Variants in MOCS1 observed in about 807,000 individuals in gnomAD.
MOCS1 encodes the protein molybdenum cofactor synthesis 1, also known as molybdenum cofactor biosynthesis protein 1.
Under a neutral mutation model 57.6 loss-of-function variants are expected in MOCS1, and 39 were observed. The ratio of observed to expected loss-of-function variants is 0.68; its 90% CI spans 0.52 to 0.88. The LOEUF (loss-of-function observed/expected upper bound fraction) is 0.88. Among genes scored for constraint, MOCS1 ranks in the 40% least tolerant of loss-of-function variants. MOCS1 has a pLI of 0.00. For synonymous variants in MOCS1, 334 were observed against 335.7 expected (o/e 1.00, Z 0.05); for missense variants, 795 against 831.1 (o/e 0.96, Z 0.53).
chr6:39,931,314 G>A (rs1168890772), intron 1 of MOCS1, among the ~76,000 whole-genome samples: 1 of 152,168 alleles, frequency 6.6e-6, no homozygotes, highest in Non-Finnish European at 1.5e-5. Flanking sequence ...ACTGCTAAAG[G>A]CTAGCCCTCA....
In MOCS1 at chr6:39,905,418, C is replaced by CTGTG. The variant is rs1273055909; in HGVS notation, c.*935_*938dup. On this transcript the variant is annotated 3_prime_UTR_variant, in exon 11 of 11. Transcript: ENST00000340692. ...TCCCTCCTCTTCTTCCCTCAGGGAA[C>CTGTG]TGTGTCTTGGGATAGGATTGATTGA... The CTGTG allele has an allele frequency of 2.1e-6, 1 of 469,824 alleles. No homozygotes were observed. The highest frequency in any genetic ancestry group is 4.4e-6 in the Non-Finnish European group (1 of 227,064). The allele number at this position is 469,824 out of a possible 1,614,324, so 29.1% of individuals were successfully genotyped here.
At chr6:39,929,734 A>G (rs189349419) in intron 1 of MOCS1, among the ~76,000 whole-genome samples, 128 of 152,064 alleles carry the variant, frequency 8.4e-4, no homozygotes, top group Middle Eastern at 3.4e-3. Flanking sequence ...TGAGGCCAGG[A>G]GTGTGAGACT....
At chr6:39,934,070 G>T (rs943429829) in intron 1 of MOCS1, among the ~76,000 whole-genome samples, 3 of 152,042 alleles carry the variant, frequency 2.0e-5, no homozygotes, top group African/African-American at 7.2e-5. Context: ...TGGCGTGGCT[G>T]GGGGGCAGGG....
chr6:39,934,204 C>A, intron 1 of MOCS1, 91 bp downstream of exon 1: 1 of 1,431,916 alleles, frequency 7.0e-7, no homozygotes, highest in Non-Finnish European at 9.2e-7. Context: ...AGCGGTCAAG[C>A]AGATAGGCCG....
rs1237383558 is a variant in MOCS1 at position 39,906,258 on chromosome 6, A to C, written c.*99T>G. 2 of 1,479,766 alleles carry C rather than the reference A, an allele frequency of 1.4e-6. No individual in the cohort carries two copies. The highest frequency in any genetic ancestry group is 1.4e-5 in the African/African-American group (1 of 72,298). 91.7% of individuals were successfully genotyped at this position (1,479,766 alleles called of 1,614,324 possible). On this transcript the variant is annotated 3_prime_UTR_variant, in exon 11 of 11. Coordinates refer to ENST00000340692, the MANE Select transcript of MOCS1 (RefSeq NM_001358530.2). The stretch of plus-strand genomic sequence containing the variant: ...TTCGGGTTTACTGCTCAAGGTAAAC[A>C]AACAGTGACTGTGATTAAAGGAACC...
Position 39,905,449 on chromosome 6 carries a change from T to TGATA in MOCS1, c.*904_*907dup, listed in dbSNP as rs374243973. 1.7e-5 allele frequency: 8 copies of TGATA among 470,302 alleles called. No individual in the cohort carries two copies. Among genetic ancestry groups the TGATA allele is most frequent in the Non-Finnish European group, 3.5e-5 (8 of 226,984 alleles). The allele number at this position is 470,302 out of a possible 1,614,324, so 29.1% of individuals were successfully genotyped here. The stretch of plus-strand genomic sequence containing the variant: ...CTTGGGATAGGATTGATTGATTGAT[T>TGATA]GATAGGTGCAGCCTTCCCTGTGAAA... On this transcript the variant is annotated 3_prime_UTR_variant, in exon 11 of 11. Coordinates refer to ENST00000340692, the MANE Select transcript of MOCS1 (RefSeq NM_001358530.2).
intron 1 of MOCS1, chr6:39,927,842 G>T: frequency 9.5e-7 from 1 of 1,055,620 alleles, no homozygotes; most frequent in Non-Finnish European, 1.3e-6. Context: ...ACTGCTGAAG[G>T]CCACAAGCAA....
At chr6:39,921,467 A>G (rs540465667) in intron 3 of MOCS1, among the ~76,000 whole-genome samples, 2 of 152,318 alleles carry the variant, frequency 1.3e-5, no homozygotes, top group South Asian at 2.1e-4. Context: ...CACTAACATT[A>G]TTAACATGAA....
chr6:39,921,195 C>T (rs1414735908), intron 3 of MOCS1, among the ~76,000 whole-genome samples: 1 of 151,762 alleles, frequency 6.6e-6, no homozygotes, highest in Non-Finnish European at 1.5e-5. Context: ...GTCAGGAGAT[C>T]GAGATCATCC....
At chr6:39,909,285 AGGGGAG>A (rs1157358537) in intron 9 of MOCS1, among the ~76,000 whole-genome samples, 183 bp from the exon 10 acceptor site, 1 of 8,238 alleles carries the variant, frequency 1.2e-4, no homozygotes, top group African/African-American at 6.0e-4. Context: ...AGAGGAAAGC[AGGGGAG>A]GGGGAGGGGG....
intron 3 of MOCS1, among the ~76,000 whole-genome samples, chr6:39,919,797 G>A (rs1177089314): frequency 6.6e-6 from 1 of 152,084 alleles, no homozygotes; most frequent in African/African-American, 2.4e-5. Flanking sequence ...TATCCATATG[G>A]AAAAAAATTA....
At chr6:39,915,918 A>G in intron 4 of MOCS1, 150 bp downstream of exon 4, 1 of 972,714 alleles carries the variant, frequency 1.0e-6, no homozygotes, top group East Asian at 2.6e-5. Context: ...ACATTTGGCA[A>G]AGATGAGGGG....
Position 39,905,669 on chromosome 6 carries a change from C to A in MOCS1, c.*688G>T, listed in dbSNP as rs1374683143. ...GCCAGGTGTGGGCTGTGTGGTCTGG[C>A]AGGAGTCCTTAGGGCTATGGCCCAT... is the stretch of plus-strand genomic sequence containing the variant. On this transcript the variant is annotated 3_prime_UTR_variant, in exon 11 of 11. Coordinates refer to ENST00000340692, the MANE Select transcript of MOCS1 (RefSeq NM_001358530.2). 4.2e-6 allele frequency: 2 copies of A among 471,064 alleles called. No individual in the cohort carries two copies. The highest frequency in any genetic ancestry group is 8.8e-6 in the Non-Finnish European group (2 of 227,076). The allele number at this position is 471,064 out of a possible 1,614,324, so 29.2% of individuals were successfully genotyped here.
chr6:39,915,064 T>G (rs910433910), intron 4 of MOCS1, among the ~76,000 whole-genome samples: 1 of 152,202 alleles, frequency 6.6e-6, no homozygotes, highest in Admixed American at 6.5e-5. Flanking sequence ...TCTCTCCTGC[T>G]AAGAGTTCTT....
Position 39,913,838 on chromosome 6 carries a change from G to A in MOCS1, c.584-3C>T. The A allele has an allele frequency of 6.2e-7, 1 of 1,614,120 alleles. No homozygotes were observed. Among genetic ancestry groups the A allele is most frequent in the South Asian group, 1.1e-5 (1 of 91,070 alleles). On this transcript the variant is annotated splice_polypyrimidine_tract_variant and splice_region_variant and intron_variant, in intron 4 of 10. Transcript: ENST00000340692. ...GCCCTCCATGACCTTGTGGAAGCCT[G>A]GGAGGGAGAAACAAGGATCCAGGAA...
intron 1 of MOCS1, among the ~76,000 whole-genome samples, chr6:39,930,063 C>T (rs1210568287): frequency 6.6e-6 from 1 of 152,084 alleles, no homozygotes; most frequent in Non-Finnish European, 1.5e-5. Flanking sequence ...CTGCACCACC[C>T]GTTCTGAACC....
intron 3 of MOCS1, among the ~76,000 whole-genome samples, chr6:39,925,278 G>A (rs775935616): frequency 3.3e-5 from 5 of 152,122 alleles, no homozygotes; most frequent in Non-Finnish European, 7.3e-5. Flanking sequence ...GAATGAGGTC[G>A]AGGAGAGTGC....
intron 10 of MOCS1, among the ~76,000 whole-genome samples, chr6:39,907,548 C>T (rs1176190498): frequency 1.3e-5 from 2 of 152,168 alleles, no homozygotes; most frequent in African/African-American, 4.8e-5. Flanking sequence ...TCACATTCTC[C>T]ATGAAGAGTT....
intron 2 of MOCS1, 114 bp downstream of exon 2, chr6:39,927,215 G>GA: frequency 7.3e-7 from 1 of 1,364,690 alleles, no homozygotes; most frequent in Non-Finnish European, 1.0e-6. Flanking sequence ...AGCAGGTGAA[G>GA]AAGTTAGAAA....
Sources: allele counts gnomAD v4.1 joint callset (sites outside exome capture counted in the v4.1 genomes callset), GRCh38; gene constraint gnomAD v4.1.1; transcripts MANE v1.5; gene names NCBI Gene and HGNC (gene_info 2026-07-23, HGNC 2026-07-21).